The following SLC25A24 variants were observed in gnomAD, a reference collection of about 807,000 sequenced individuals.
SLC25A24 encodes solute carrier family 25 member 24.
SLC25A24 carries 49 observed loss-of-function variants against 60.7 expected under a neutral mutation model. That is an observed-to-expected ratio of 0.81 (90% confidence interval 0.64 to 1.02). SLC25A24 has a LOEUF of 1.02. Ranked by LOEUF, SLC25A24 falls within the 50% of genes least tolerant of loss-of-function variation. The pLI, the probability that SLC25A24 is intolerant of heterozygous loss-of-function variation, is 0.00. For missense variants in SLC25A24, 564 were observed against 586.3 expected, an observed-to-expected ratio of 0.96 and a Z score of 0.39; for synonymous variants, 202 against 200.6, an observed-to-expected ratio of 1.01 and a Z score of -0.06.
intron 2 of SLC25A24, among the ~76,000 whole-genome samples, chr1:108,183,591 T>C (rs1212359824): frequency 6.6e-6 from 1 of 152,212 alleles, no homozygotes; most frequent in Non-Finnish European, 1.5e-5. Context: ...GTGCTGTTGA[T>C]TCACTAACAT....
chr1:108,140,865 A>T (rs1181003633), intron 8 of SLC25A24, among the ~76,000 whole-genome samples: 4 of 151,914 alleles, frequency 2.6e-5, no homozygotes, highest in Non-Finnish European at 5.9e-5. Context: ...CCAGGAAGAG[A>T]GGAAGGGAAA....
intron 6 of SLC25A24, among the ~76,000 whole-genome samples, chr1:108,153,709 T>C (rs1679812394): frequency 6.6e-6 from 1 of 152,152 alleles, no homozygotes; most frequent in African/African-American, 2.4e-5. Context: ...GAAATCACAA[T>C]ACTATAAAGA....
At chr1:108,179,396 G>C (rs981678620) in intron 3 of SLC25A24, among the ~76,000 whole-genome samples, 3 of 152,132 alleles carry the variant, frequency 2.0e-5, no homozygotes, top group African/African-American at 7.2e-5. Context: ...GTATGTATGT[G>C]TGTGTATACA....
chr1:108,173,173 C>T lies in SLC25A24; in HGVS notation c.398+8768G>A, dbSNP rs547260672. On this transcript the variant is annotated intron_variant, in intron 3 of 9. Transcript: ENST00000565488. Reference sequence around the variant, plus strand: ...CTTGAGCCCAGGATTTCGATACCAGCCTAGATGATATGGTTTGGCTGTGTC... The same window carrying T: ...CTTGAGCCCAGGATTTCGATACCAGTCTAGATGATATGGTTTGGCTGTGTC... 3.3e-5 allele frequency among the ~76,000 whole-genome samples: 5 copies of T among 152,148 alleles called. No individual in the cohort carries two copies. The South Asian group carries it at 6.2e-4, about 19-fold the overall frequency.
intron 4 of SLC25A24, among the ~76,000 whole-genome samples, chr1:108,160,605 G>A (rs1365836371): frequency 6.6e-6 from 1 of 152,208 alleles, no homozygotes; most frequent in Non-Finnish European, 1.5e-5. Flanking sequence ...AGGCGGCTGG[G>A]AGGTGGAGGT....
intron 7 of SLC25A24, among the ~76,000 whole-genome samples, chr1:108,147,795 C>T (rs1474407300): frequency 6.6e-6 from 1 of 152,150 alleles, no homozygotes; most frequent in Non-Finnish European, 1.5e-5. Flanking sequence ...CGGTTATTAA[C>T]ACCATTATAC....
rs1269126802 is a variant in SLC25A24, at chr1:108,135,964, T to C, written c.*689A>G. ...GATAAACGGAATCTTTCAAATAAATTGCCTTGTGTTGGTAATTTAACAGTA... is the reference window on the plus strand; with the variant it reads ...GATAAACGGAATCTTTCAAATAAATCGCCTTGTGTTGGTAATTTAACAGTA... On this transcript the variant is annotated 3_prime_UTR_variant, in exon 10 of 10. Transcript: ENST00000565488. 1 of 152,216 alleles carries C rather than the reference T, an allele frequency of 6.6e-6. No individual in the cohort carries two copies. The highest frequency in any genetic ancestry group is 1.5e-5 in the Non-Finnish European group (1 of 68,038). The allele number at this position is 152,216 out of a possible 1,614,324, so 9.4% of individuals were successfully genotyped here. A position where few individuals can be genotyped will look rare whatever the true frequency, so the allele number is the denominator to read the frequency against.
Position 108,161,201 on chromosome 1 carries a change from C to A in SLC25A24, c.491G>T (p.Arg164Leu), listed in dbSNP as rs374953372. The change falls in exon 4 of 10, where the codon CGT (arginine) becomes CTT (leucine). Residue 164 changes from arginine (R) to leucine (L), a missense_variant. Physicochemically the swap from Arg to Leu is moderately radical, Grantham distance 102 (BLOSUM62 -2). Transcript: ENST00000565488. ...NPVTDIEEII[R>L]FWKHSTGIDI... is the part of the protein sequence containing the mutation. Reference sequence around the variant, plus strand: ...ACTTACTGTAGAATGTTTCCAGAAACGGATAATTTCCTCAATGTCTGTAAC... The same window carrying A: ...ACTTACTGTAGAATGTTTCCAGAAAAGGATAATTTCCTCAATGTCTGTAAC... 1.3e-6 allele frequency: 2 copies of A among 1,559,772 alleles called. No individual in the cohort carries two copies. The highest frequency in any genetic ancestry group is 1.8e-6 in the Non-Finnish European group (2 of 1,132,286).
At position 108,135,633 on chromosome 1, in the gene SLC25A24, G is replaced by A. The variant is rs1679261877; in HGVS notation, c.*1020C>T. 1 of 152,334 alleles carries A rather than the reference G, an allele frequency of 6.6e-6. No individual in the cohort carries two copies. Among genetic ancestry groups the A allele is most frequent in the South Asian group, 2.1e-4 (1 of 4,834 alleles). The allele number at this position is 152,334 out of a possible 1,614,324, so 9.4% of individuals were successfully genotyped here. A position where few individuals can be genotyped will look rare whatever the true frequency, so the allele number is the denominator to read the frequency against. On this transcript the variant is annotated 3_prime_UTR_variant, in exon 10 of 10. Coordinates refer to ENST00000565488, the MANE Select transcript of SLC25A24 (RefSeq NM_013386.5). ...TTAAATATAGGTATCTAATGTATAA[G>A]AGTAATACATACTACTATTAATATG...
chr1:108,168,671 T>C (rs1164676600), intron 3 of SLC25A24, among the ~76,000 whole-genome samples: 3 of 152,234 alleles, frequency 2.0e-5, no homozygotes, highest in South Asian at 2.1e-4. Flanking sequence ...GCTGTTCATG[T>C]CTTTGCCCGT....
chr1:108,177,727 G>A (rs1365282413), intron 3 of SLC25A24, among the ~76,000 whole-genome samples: 2 of 152,172 alleles, frequency 1.3e-5, no homozygotes, highest in African/African-American at 2.4e-5. Context: ...TAAGTTATAT[G>A]AAGGTACTTT....
intron 6 of SLC25A24, among the ~76,000 whole-genome samples, chr1:108,153,682 A>G (rs533300683): frequency 6.7e-4 from 102 of 152,326 alleles, no homozygotes; most frequent in African/African-American, 2.2e-3. Flanking sequence ...CTTCATGTCT[A>G]AGAAAGTTAG....
chr1:108,192,857 T>A, intron 1 of SLC25A24: 1 of 966,984 alleles, frequency 1.0e-6, no homozygotes, highest in Non-Finnish European at 1.3e-6. Flanking sequence ...GGGACCTGCG[T>A]GGGACCGCAC....
At chr1:108,138,360 G>A (rs1170436249) in intron 9 of SLC25A24, among the ~76,000 whole-genome samples, 1 of 152,096 alleles carries the variant, frequency 6.6e-6, no homozygotes, top group Non-Finnish European at 1.5e-5. Flanking sequence ...AGATGCCCAA[G>A]GTGTACTACT....
At position 108,136,569 on chromosome 1, in the gene SLC25A24, A is replaced by G; in HGVS notation, c.*84T>C. On this transcript the variant is annotated 3_prime_UTR_variant, in exon 10 of 10. Coordinates refer to ENST00000565488, the MANE Select transcript of SLC25A24 (RefSeq NM_013386.5). ...AAAAAAATGCAGCTTCTTTTGCCAT[A>G]GACTTGTTTCAATTCGAGGAGAAAA... 1 of 1,211,298 alleles carries G rather than the reference A, an allele frequency of 8.3e-7. No individual in the cohort carries two copies. Among genetic ancestry groups the G allele is most frequent in the Non-Finnish European group, 1.2e-6 (1 of 847,192 alleles). The allele number at this position is 1,211,298 out of a possible 1,614,324, so 75.0% of individuals were successfully genotyped here.
rs138031483 is a variant in SLC25A24 at position 108,177,686 on chromosome 1, A to G, written c.398+4255T>C. 3.3e-5 allele frequency among the ~76,000 whole-genome samples: 5 copies of G among 152,320 alleles called. No individual in the cohort carries two copies. In the East Asian group the frequency reaches 9.6e-4, roughly 29 times the overall value. ...GAAACAAAGTTCCTATATAATGATA[A>G]AAGGGTCAATTCAATAAGAGGATAT... On this transcript the variant is annotated intron_variant, in intron 3 of 9. Transcript: ENST00000565488.
chr1:108,161,396 T>A, intron 3 of SLC25A24, 103 bp from the exon 4 acceptor site: 1 of 680,922 alleles, frequency 1.5e-6, no homozygotes, highest in Non-Finnish European at 2.6e-6. Context: ...TAACATAATA[T>A]TCTCATTAAA....
chr1:108,155,950 AACACAC>A (rs58815373), intron 5 of SLC25A24, among the ~76,000 whole-genome samples: 484 of 149,106 alleles, frequency 3.2e-3, no homozygotes, highest in Middle Eastern at 0.017. Flanking sequence ...ACTACCACTA[AACACAC>A]ACACACACAC....
In SLC25A24 at chr1:108,148,295, A is replaced by G; in HGVS notation, c.914T>C (p.Phe305Ser). ...GSMAGATAQT[F>S]IYPMEVMKTR... ...GGTACTCACCTCCATTGGATATATA[A>G]AAGTCTGTGCAGTTGCTCCAGCCAT... The change falls in exon 7 of 10, where the codon TTT (phenylalanine) becomes TCT (serine). Residue 305 changes from phenylalanine to serine, a missense_variant. Physicochemically the swap from Phe to Ser is radical, Grantham distance 155 (BLOSUM62 -2). Coordinates refer to ENST00000565488, the MANE Select transcript of SLC25A24 (RefSeq NM_013386.5). The G allele has an allele frequency of 6.2e-7, 1 of 1,606,230 alleles. No homozygotes were observed. The highest frequency in any genetic ancestry group is 8.5e-7 in the Non-Finnish European group (1 of 1,172,762).
Sources: gnomAD v4.1 joint callset for allele counts (sites outside exome capture counted in the v4.1 genomes callset) on GRCh38, gnomAD v4.1.1 for gene constraint, MANE v1.5 for transcripts, NCBI Gene and HGNC (gene_info 2026-07-23, HGNC 2026-07-21) for gene names.